Variants in KYAT3 observed in about 807,000 individuals in gnomAD.
The protein encoded by KYAT3 is kynurenine--oxoglutarate transaminase 3.
KYAT3 carries 50 observed loss-of-function variants against 59.0 expected under a neutral mutation model. The ratio of observed to expected loss-of-function variants is 0.85; its 90% confidence interval spans 0.68 to 1.07. KYAT3 has a LOEUF of 1.07. Among genes scored for constraint, KYAT3 ranks in the 50% least tolerant of loss-of-function variants. The pLI is 0.00. For missense variants in KYAT3, 497 were observed against 533.3 expected (o/e 0.93, Z 0.67); for synonymous variants, 148 against 177.0 (o/e 0.84, Z 1.30).
the KYAT3 span, among the ~76,000 whole-genome samples, chr1:88,926,421 C>G: frequency 2.0e-5 from 3 of 152,196 alleles, no homozygotes; most frequent in African/African-American, 7.2e-5. Flanking sequence ...CCAAGCAATC[C>G]ACCCCCCTCA....
chr1:88,977,924 C>T (rs777520503), intron 2 of KYAT3, among the ~76,000 whole-genome samples: 4 of 149,718 alleles, frequency 2.7e-5, no homozygotes, highest in Non-Finnish European at 6.0e-5. Flanking sequence ...GATTTGTAGC[C>T]TAGGAGCAAT....
intron 13 of KYAT3, among the ~76,000 whole-genome samples, chr1:88,937,923 A>G (rs148786923): frequency 8.1e-4 from 123 of 152,346 alleles, no homozygotes; most frequent in African/African-American, 2.9e-3. Context: ...CTTGAAGGAG[A>G]CATGACAACT....
At chr1:88,947,439 TA>T (rs1675487715) in intron 11 of KYAT3, among the ~76,000 whole-genome samples, 1 of 152,184 alleles carries the variant, frequency 6.6e-6, no homozygotes, top group African/African-American at 2.4e-5. Context: ...CACCGGAACC[TA>T]ACTCTCCTCC....
intron 6 of KYAT3, 96 bp from the exon 7 acceptor site, chr1:88,961,602 A>C: frequency 9.2e-7 from 1 of 1,086,134 alleles, no homozygotes; most frequent in South Asian, 1.7e-5. Context: ...CATCAAAGAA[A>C]GTCATGGCAA....
chr1:88,925,136 C>A, the KYAT3 span, among the ~76,000 whole-genome samples: 6 of 152,220 alleles, frequency 3.9e-5, no homozygotes, highest in Admixed American at 3.9e-4. Context: ...TACTGGGCAC[C>A]TGTCGTCCGG....
At chr1:88,982,962 C>G (rs765508223) in intron 2 of KYAT3, 1 of 1,613,602 alleles carries the variant, frequency 6.2e-7, no homozygotes, top group East Asian at 2.2e-5. Flanking sequence ...CGTGAGTTAC[C>G]ATAACTCTCA....
Position 88,943,153 on chromosome 1 carries a change from T to C in KYAT3, c.1216-62A>G, listed in dbSNP as rs1024418080. On this transcript the variant is annotated intron_variant, in intron 12 of 13. Coordinates refer to ENST00000260508, the MANE Select transcript of KYAT3 (RefSeq NM_001008661.3). ...CTTACACTTCAAATATTAATTTTGG[T>C]ACTACAGATACTAGAGGCAACTAGA... The C allele has an allele frequency of 5.5e-6, 7 of 1,268,930 alleles. No individual in the cohort carries two copies. The African/African-American group carries it at 9.1e-5, about 16-fold the overall frequency. 78.6% of individuals were successfully genotyped at this position (1,268,930 alleles called of 1,614,324 possible). A position where few individuals can be genotyped will look rare whatever the true frequency, so the allele number is the denominator to read the frequency against.
chr1:88,961,289 T>C lies in KYAT3; in HGVS notation c.667-2A>G. On this transcript the variant is annotated splice_acceptor_variant, in intron 7 of 13. Transcript: ENST00000260508. LOFTEE classifies it high-confidence loss of function. ...TTGCAGTTCCTCTCTGTTATACACC[T>C]ACACATAATAAAGGAAAGAGCACAG... 1.2e-6 allele frequency: 2 copies of C among 1,613,662 alleles called. No individual in the cohort carries two copies. The highest frequency in any genetic ancestry group is 1.7e-6 in the Non-Finnish European group (2 of 1,179,894).
the KYAT3 span, among the ~76,000 whole-genome samples, chr1:88,924,702 C>T: frequency 5.3e-5 from 8 of 152,214 alleles, no homozygotes; most frequent in African/African-American, 1.4e-4. Flanking sequence ...TCCATCTCTC[C>T]AGATCCGGTA....
chr1:88,922,261 T>G, the KYAT3 span, among the ~76,000 whole-genome samples: 2 of 152,036 alleles, frequency 1.3e-5, no homozygotes, highest in Non-Finnish European at 2.9e-5. Flanking sequence ...AAAGAATGAC[T>G]GAGAAAGATG....
At chr1:88,989,909 T>A (rs1677689357) in intron 1 of KYAT3, among the ~76,000 whole-genome samples, 1 of 152,198 alleles carries the variant, frequency 6.6e-6, no homozygotes, top group African/African-American at 2.4e-5. Context: ...GGATATTGGT[T>A]TCACCACAGA....
intron 2 of KYAT3, among the ~76,000 whole-genome samples, chr1:88,971,740 C>T (rs1393946387): frequency 6.6e-6 from 1 of 152,172 alleles, no homozygotes; most frequent in Non-Finnish European, 1.5e-5. Flanking sequence ...TGGCTAACTC[C>T]TATTCCACTT....
At chr1:88,977,867 TTA>T (rs922048081) in intron 2 of KYAT3, among the ~76,000 whole-genome samples, 12 of 152,306 alleles carry the variant, frequency 7.9e-5, no homozygotes, top group East Asian at 1.9e-4. Flanking sequence ...GCAAATACCA[TTA>T]TGTTACAGTT....
chr1:88,922,165 T>TTGCACCAC, the KYAT3 span, among the ~76,000 whole-genome samples: 5 of 151,944 alleles, frequency 3.3e-5, no homozygotes, highest in Non-Finnish European at 7.4e-5. Flanking sequence ...TGAGCTATAA[T>TTGCACCAC]TGCACCACTG....
chr1:88,960,451 G>A (rs945805367), intron 8 of KYAT3, among the ~76,000 whole-genome samples: 1 of 152,090 alleles, frequency 6.6e-6, no homozygotes, highest in Admixed American at 6.5e-5. Flanking sequence ...ATTTACTATA[G>A]AGGAAAAAAC....
At chr1:88,977,886 A>G (rs1323064732) in intron 2 of KYAT3, among the ~76,000 whole-genome samples, 1 of 152,150 alleles carries the variant, frequency 6.6e-6, no homozygotes, top group Middle Eastern at 3.2e-3. Context: ...AGTTGCCTGT[A>G]GTATTAAGTA....
chr1:88,956,229 A>G (rs1191518680), intron 8 of KYAT3, among the ~76,000 whole-genome samples: 2 of 152,206 alleles, frequency 1.3e-5, no homozygotes, highest in Non-Finnish European at 2.9e-5. Context: ...GTGTGAATTG[A>G]AACAGAAGCA....
chr1:88,969,127 T>C (rs1284937703), intron 3 of KYAT3, among the ~76,000 whole-genome samples: 1 of 152,196 alleles, frequency 6.6e-6, no homozygotes, highest in African/African-American at 2.4e-5. Flanking sequence ...AGAACAGAAC[T>C]AATAAGAAAA....
At chr1:88,948,398 A>G (rs1675533416) in intron 11 of KYAT3, among the ~76,000 whole-genome samples, 1 of 152,222 alleles carries the variant, frequency 6.6e-6, no homozygotes, top group South Asian at 2.1e-4. Flanking sequence ...AAGAAAAGTT[A>G]TATATGACAC....
Sources: allele counts gnomAD v4.1 joint callset (sites outside exome capture counted in the v4.1 genomes callset), GRCh38; gene constraint gnomAD v4.1.1; transcripts MANE v1.5; gene names NCBI Gene and HGNC (gene_info 2026-07-23, HGNC 2026-07-21).